Variants in ELMO1 observed in about 807,000 individuals in gnomAD.
ELMO1 encodes engulfment and cell motility protein 1.
In ELMO1, 26 loss-of-function variants were observed where a neutral mutation model predicts 98.9. That is an observed-to-expected ratio of 0.26 (90% CI 0.19 to 0.36). The LOEUF (loss-of-function observed/expected upper bound fraction) is 0.36, where lower values mean the gene tolerates loss of function less well. Ranked by LOEUF, ELMO1 falls within the 10% of genes least tolerant of loss-of-function variation. The pLI is 1.00. For missense variants in ELMO1, 627 were observed against 935.2 expected, an observed-to-expected ratio of 0.67 and a Z score of 4.30; for synonymous variants, 346 against 346.0, an observed-to-expected ratio of 1.00 and a Z score of 0.00.
chr7:37,367,167 T>A (rs1457069955), intron 1 of ELMO1, among the ~76,000 whole-genome samples: 3 of 152,194 alleles, frequency 2.0e-5, no homozygotes, highest in African/African-American at 7.2e-5. Context: ...CGCAGCTGAC[T>A]TTCTCACTGT....
chr7:37,268,462 G>A (rs1221886599), intron 5 of ELMO1, among the ~76,000 whole-genome samples: 1 of 152,056 alleles, frequency 6.6e-6, no homozygotes, highest in African/African-American at 2.4e-5. Context: ...CACCATTCTC[G>A]GCTAATTTTT....
Position 37,123,991 on chromosome 7 carries a change from AT to A in ELMO1, c.1191+9138del, listed in dbSNP as rs1438006733. Among the ~76,000 whole-genome samples, 3 of 152,226 alleles carry A rather than the reference AT, an allele frequency of 2.0e-5. No homozygotes were observed. The East Asian group carries it at 5.8e-4, about 29-fold the overall frequency. On this transcript the variant is annotated intron_variant, in intron 14 of 21. Transcript: ENST00000310758. ...TGCAAGGCTGGTTCAACATATGCAA[AT>A]CCATAAACATAATCCAGCATACAAA...
At chr7:36,987,882 T>G (rs1235740070) in intron 16 of ELMO1, among the ~76,000 whole-genome samples, 1 of 152,028 alleles carries the variant, frequency 6.6e-6, no homozygotes, top group Admixed American at 6.6e-5. Context: ...CTCAGCCTCC[T>G]GAGTAGCTGA....
chr7:37,081,988 A>G (rs575463591), intron 15 of ELMO1, among the ~76,000 whole-genome samples: 6 of 152,356 alleles, frequency 3.9e-5, no homozygotes, highest in African/African-American at 1.4e-4. Context: ...GACTCTGGTA[A>G]AAAGCAATTT....
At chr7:37,438,929 G>A (rs1805275579) in intron 1 of ELMO1, among the ~76,000 whole-genome samples, 1 of 152,160 alleles carries the variant, frequency 6.6e-6, no homozygotes, top group Non-Finnish European at 1.5e-5. Flanking sequence ...ATTTAATTTT[G>A]TCATCAATAT....
chr7:36,888,927 ACCTT>A (rs778098173), intron 17 of ELMO1, among the ~76,000 whole-genome samples: 4 of 152,134 alleles, frequency 2.6e-5, no homozygotes, highest in South Asian at 4.1e-4. Flanking sequence ...AGCTCATTTA[ACCTT>A]CCTTCCTTCC....
intron 15 of ELMO1, among the ~76,000 whole-genome samples, chr7:37,077,639 A>G (rs539181096): frequency 4.7e-4 from 72 of 152,336 alleles, no homozygotes; most frequent in African/African-American, 1.4e-3. Context: ...TTTAAGAAAT[A>G]TGGGTACTGA....
chr7:37,281,874 G>A (rs941917056), intron 4 of ELMO1, among the ~76,000 whole-genome samples: 4 of 152,178 alleles, frequency 2.6e-5, no homozygotes, highest in Admixed American at 2.0e-4. Flanking sequence ...CACAATGTAC[G>A]AGGAGAATGA....
chr7:36,925,244 T>C (rs926196037), intron 16 of ELMO1, among the ~76,000 whole-genome samples: 2 of 152,192 alleles, frequency 1.3e-5, no homozygotes, highest in African/African-American at 2.4e-5. Context: ...CACTATAATG[T>C]CTAAAAATAA....
intron 16 of ELMO1, among the ~76,000 whole-genome samples, chr7:36,910,508 G>T (rs1784269193): frequency 6.6e-6 from 1 of 152,204 alleles, no homozygotes; most frequent in Admixed American, 6.5e-5. Flanking sequence ...AAAGACAACT[G>T]CTCAAGATCA....
At chr7:37,105,430 C>G (rs1220563898) in intron 14 of ELMO1, among the ~76,000 whole-genome samples, 1 of 152,166 alleles carries the variant, frequency 6.6e-6, no homozygotes, top group Non-Finnish European at 1.5e-5. Context: ...AGGATGGGTA[C>G]AGGTGTAGGG....
intron 3 of ELMO1, 31 bp from the exon 4 acceptor site, chr7:37,314,953 A>T (rs753778352): frequency 6.3e-7 from 1 of 1,590,058 alleles, no homozygotes; most frequent in African/African-American, 1.4e-5. Context: ...CTGATTAGAA[A>T]AATGAAAGTG....
At chr7:37,310,383 T>C (rs1222848497) in intron 4 of ELMO1, among the ~76,000 whole-genome samples, 1 of 152,192 alleles carries the variant, frequency 6.6e-6, no homozygotes, top group East Asian at 1.9e-4. Context: ...CTCATCTCCA[T>C]ACATGCTTAG....
intron 16 of ELMO1, among the ~76,000 whole-genome samples, chr7:36,908,907 G>A (rs1250071152): frequency 6.6e-6 from 1 of 152,144 alleles, no homozygotes; most frequent in Non-Finnish European, 1.5e-5. Context: ...TGGGCACAGT[G>A]CTCTAAGCTT....
chr7:36,967,181 A>G (rs575003293), intron 16 of ELMO1, among the ~76,000 whole-genome samples: 1 of 152,308 alleles, frequency 6.6e-6, no homozygotes, highest in South Asian at 2.1e-4. Flanking sequence ...TCTAAAATAT[A>G]AGAAATACAT....
intron 12 of ELMO1, 57 bp from the exon 13 acceptor site, chr7:37,211,574 T>C: frequency 6.3e-7 from 1 of 1,589,906 alleles, no homozygotes; most frequent in Non-Finnish European, 8.6e-7. Flanking sequence ...TTTCATTGTG[T>C]GACATTACAT....
intron 15 of ELMO1, among the ~76,000 whole-genome samples, chr7:37,063,051 G>A (rs957360978): frequency 2.6e-5 from 4 of 152,222 alleles, no homozygotes; most frequent in East Asian, 1.9e-4. Context: ...TAATCCTCCC[G>A]GTAAGAAAAT....
intron 15 of ELMO1, among the ~76,000 whole-genome samples, chr7:37,087,026 C>T: frequency 6.6e-6 from 1 of 152,182 alleles, no homozygotes. Context: ...CAAAGTCTTA[C>T]AGTTTTCTTC....
intron 15 of ELMO1, among the ~76,000 whole-genome samples, chr7:37,046,848 G>C (rs1232031344): frequency 2.0e-5 from 3 of 152,202 alleles, no homozygotes; most frequent in African/African-American, 7.2e-5. Context: ...GGAATGCTAA[G>C]TGATTCCAGT....
Sources: allele counts gnomAD v4.1 joint callset (sites outside exome capture counted in the v4.1 genomes callset), GRCh38; gene constraint gnomAD v4.1.1; transcripts MANE v1.5; gene names NCBI Gene and HGNC (gene_info 2026-07-23, HGNC 2026-07-21).